The following TENT4B variants were observed in gnomAD, a reference collection of about 807,000 sequenced individuals.
TENT4B encodes PAP associated domain containing 5.
TENT4B carries 10 observed loss-of-function variants against 75.0 expected under a neutral mutation model. That is an observed-to-expected ratio of 0.13 (90% CI 0.08 to 0.23). TENT4B has a LOEUF of 0.23. Among genes scored for constraint, TENT4B ranks in the 10% least tolerant of loss-of-function variants. The probability of loss-of-function intolerance (pLI) is 1.00; values close to 1 mark genes in which losing one functional copy is unlikely to be tolerated. For missense variants in TENT4B, 579 were observed against 893.8 expected, an observed-to-expected ratio of 0.65 and a Z score of 4.49; for synonymous variants, 350 against 357.7, an observed-to-expected ratio of 0.98 and a Z score of 0.24.
intron 1 of TENT4B, among the ~76,000 whole-genome samples, chr16:50,206,647 G>A (rs996479989): frequency 1.1e-4 from 17 of 151,956 alleles, no homozygotes; most frequent in Non-Finnish European, 1.6e-4. Context: ...TGAGCAGAGG[G>A]GCTGGCCGTG....
intron 1 of TENT4B, among the ~76,000 whole-genome samples, chr16:50,211,015 G>T (rs2031249493): frequency 6.6e-6 from 1 of 152,208 alleles, no homozygotes; most frequent in Non-Finnish European, 1.5e-5. Context: ...TGTCACCTGG[G>T]TTCAGTATCT....
intron 1 of TENT4B, among the ~76,000 whole-genome samples, chr16:50,156,628 G>GCCA (rs2037906293): frequency 6.6e-6 from 1 of 152,080 alleles, no homozygotes; most frequent in African/African-American, 2.4e-5. Flanking sequence ...ACAGGCATGA[G>GCCA]CCACCGTGCC....
intron 1 of TENT4B, among the ~76,000 whole-genome samples, chr16:50,183,265 A>T (rs1259803546): frequency 6.6e-6 from 1 of 151,756 alleles, no homozygotes; most frequent in Non-Finnish European, 1.5e-5. Flanking sequence ...GCTGGTCTCA[A>T]ACTCCCGACC....
Position 50,234,130 on chromosome 16 carries a change from A to G in TENT4B, c.*4802A>G, listed in dbSNP as rs577228952. ...TTAAAGATGCCTAGAAACAAAACGC[A>G]TATAGTACCAGTGAGAAACTATGAA... is the stretch of plus-strand genomic sequence containing the variant. On this transcript the variant is annotated 3_prime_UTR_variant, in exon 12 of 12. Transcript: ENST00000561678. The G allele has an allele frequency of 2.8e-4, 278 of 985,468 alleles. No homozygotes were observed. The African/African-American group carries it at 4.7e-3, about 17-fold the overall frequency. 61.0% of individuals were successfully genotyped at this position (985,468 alleles called of 1,614,324 possible).
intron 1 of TENT4B, among the ~76,000 whole-genome samples, chr16:50,163,667 G>C (rs1272056658): frequency 6.6e-6 from 1 of 151,116 alleles, no homozygotes; most frequent in Non-Finnish European, 1.5e-5. Context: ...CCAAAGTACT[G>C]GGATTACAGG....
intron 1 of TENT4B, among the ~76,000 whole-genome samples, chr16:50,207,864 C>G (rs772024153): frequency 6.6e-6 from 1 of 152,168 alleles, no homozygotes; most frequent in African/African-American, 2.4e-5. Context: ...ACTTCCAGCT[C>G]GTCAGGGTAT....
intron 1 of TENT4B, among the ~76,000 whole-genome samples, chr16:50,195,203 G>A (rs1253382987): frequency 6.6e-6 from 1 of 152,168 alleles, no homozygotes; most frequent in African/African-American, 2.4e-5. Context: ...GTGGATGACT[G>A]AAACAGAGAA....
chr16:50,187,010 C>G (rs990782984), intron 1 of TENT4B, among the ~76,000 whole-genome samples: 2 of 152,000 alleles, frequency 1.3e-5, no homozygotes, highest in African/African-American at 4.8e-5. Context: ...ATCCTCCTAC[C>G]TCGGCTTCTC....
chr16:50,197,297 G>GT (rs919433864), intron 1 of TENT4B, among the ~76,000 whole-genome samples: 3 of 151,956 alleles, frequency 2.0e-5, no homozygotes, highest in South Asian at 4.2e-4. Context: ...TTAAATTTAA[G>GT]TTTTTTTTGG....
intron 1 of TENT4B, among the ~76,000 whole-genome samples, chr16:50,193,145 T>A: frequency 6.6e-6 from 1 of 152,002 alleles, no homozygotes; most frequent in East Asian, 1.9e-4. Flanking sequence ...GTATGGCCAT[T>A]GGGTGTGGTT....
rs2037822629 is a variant in TENT4B at position 50,153,681 on chromosome 16, G to C, written c.60G>C (p.Trp20Cys). The change falls in exon 1 of 12, where the codon TGG becomes TGC. Residue 20 changes from tryptophan to cysteine, a missense_variant. Coordinates refer to ENST00000561678, the MANE Select transcript of TENT4B (RefSeq NM_001365324.3). Reference sequence around the variant, plus strand: ...AGCTCGGACCGTCCAACAGTCTGTGGATGCAGATCTGGGAGACGACCCAGG... The same window carrying C: ...AGCTCGGACCGTCCAACAGTCTGTGCATGCAGATCTGGGAGACGACCCAGG... ...PEQLGPSNSL[W>C]MQIWETTQGL... 9.8e-7 allele frequency: 1 copy of C among 1,022,414 alleles called. No homozygotes were observed. The highest frequency in any genetic ancestry group is 1.2e-6 in the Non-Finnish European group (1 of 854,896). The allele number at this position is 1,022,414 out of a possible 1,614,324, so 63.3% of individuals were successfully genotyped here.
intron 1 of TENT4B, among the ~76,000 whole-genome samples, chr16:50,210,271 C>T (rs2031209220): frequency 6.6e-6 from 1 of 152,224 alleles, no homozygotes; most frequent in Non-Finnish European, 1.5e-5. Flanking sequence ...GCTTTTCTCT[C>T]TGTCCCCCGT....
At chr16:50,179,802 C>T (rs1246476522) in intron 1 of TENT4B, among the ~76,000 whole-genome samples, 1 of 152,154 alleles carries the variant, frequency 6.6e-6, no homozygotes, top group African/African-American at 2.4e-5. Context: ...TAGCCCTAGT[C>T]TGTAATGTGT....
rs2032336256 is a variant in TENT4B at position 50,232,839 on chromosome 16, A to G, written c.*3511A>G. ...AGTTTGATCAGTTCCTTGAATTCTA[A>G]TATGTTGATTTCTCAGTGTTTCTGT... On this transcript the variant is annotated 3_prime_UTR_variant, in exon 12 of 12. Transcript: ENST00000561678. 1.0e-6 allele frequency: 1 copy of G among 985,310 alleles called. No individual in the cohort carries two copies. Among genetic ancestry groups the G allele is most frequent in the Non-Finnish European group, 1.2e-6 (1 of 829,828 alleles). The allele number at this position is 985,310 out of a possible 1,614,324, so 61.0% of individuals were successfully genotyped here. A position where few individuals can be genotyped will look rare whatever the true frequency, so the allele number is the denominator to read the frequency against.
At chr16:50,168,062 GTTTCC>G (rs1407991033) in intron 1 of TENT4B, among the ~76,000 whole-genome samples, 1 of 149,720 alleles carries the variant, frequency 6.7e-6, no homozygotes, top group East Asian at 1.9e-4. Context: ...AATGACTCTT[GTTTCC>G]TCATTGAGCA....
At chr16:50,175,670 C>T (rs1197107401) in intron 1 of TENT4B, among the ~76,000 whole-genome samples, 1 of 152,026 alleles carries the variant, frequency 6.6e-6, no homozygotes, top group Admixed American at 6.6e-5. Flanking sequence ...CGGGGTTGCA[C>T]CATGTTGGCC....
At chr16:50,187,209 T>C (rs1350646489) in intron 1 of TENT4B, among the ~76,000 whole-genome samples, 2 of 152,252 alleles carry the variant, frequency 1.3e-5, no homozygotes, top group African/African-American at 2.4e-5. Flanking sequence ...CAGTGTTTTC[T>C]TTCTGCAGTT....
At chr16:50,194,618 A>G (rs914876010) in intron 1 of TENT4B, among the ~76,000 whole-genome samples, 4 of 151,434 alleles carry the variant, frequency 2.6e-5, no homozygotes, top group Admixed American at 6.6e-5. Flanking sequence ...TGGTGCAGTC[A>G]TGGCTCACTG....
At chr16:50,155,797 A>G (rs2037886922) in intron 1 of TENT4B, among the ~76,000 whole-genome samples, 1 of 152,156 alleles carries the variant, frequency 6.6e-6, no homozygotes, top group South Asian at 2.1e-4. Flanking sequence ...TGACAAGCAA[A>G]TTGATGTTGA....
Sources: gnomAD v4.1 joint callset for allele counts (sites outside exome capture counted in the v4.1 genomes callset) on GRCh38, gnomAD v4.1.1 for gene constraint, MANE v1.5 for transcripts, NCBI Gene and HGNC (gene_info 2026-07-23, HGNC 2026-07-21) for gene names.